PPARG: variants seen among roughly 807,000 people sequenced by gnomAD.
The protein encoded by PPARG is peroxisome proliferator-activated receptor gamma.
In PPARG, 17 loss-of-function variants were observed where a neutral mutation model predicts 39.2. The observed-to-expected ratio is 0.43, with a 90% CI of 0.30 to 0.65. The LOEUF (loss-of-function observed/expected upper bound fraction) is 0.65. PPARG is among the 30% of genes least tolerant of loss of function. The pLI, the probability that PPARG is intolerant of heterozygous loss-of-function variation, is 0.13. For missense variants in PPARG, 406 were observed against 585.9 expected (o/e 0.69, Z 3.17); for synonymous variants, 223 against 215.7 (o/e 1.03, Z -0.30).
At chr3:12,311,750 G>T (rs954326082) in intron 1 of PPARG, among the ~76,000 whole-genome samples, 16 of 152,216 alleles carry the variant, frequency 1.1e-4, no homozygotes, top group African/African-American at 3.4e-4. Flanking sequence ...AAGAGATAAG[G>T]TTGTGAATCC....
intron 5 of PPARG, among the ~76,000 whole-genome samples, chr3:12,403,080 C>T (rs927467520): frequency 6.6e-6 from 1 of 151,920 alleles, no homozygotes; most frequent in Non-Finnish European, 1.5e-5. Flanking sequence ...ATCCCTTGAG[C>T]CCAGGAGTTC....
intron 4 of PPARG, among the ~76,000 whole-genome samples, chr3:12,388,301 A>G (rs995756283): frequency 5.9e-5 from 9 of 152,178 alleles, no homozygotes; most frequent in African/African-American, 2.2e-4. Flanking sequence ...AACTCTCCAA[A>G]ACAACATCAA....
chr3:12,307,430 G>A (rs2124976507), intron 1 of PPARG, among the ~76,000 whole-genome samples: 1 of 152,280 alleles, frequency 6.6e-6, no homozygotes, highest in Non-Finnish European at 1.5e-5. Flanking sequence ...TAATTTGACA[G>A]TACAATAATC....
chr3:12,320,799 G>T (rs1304307510), intron 2 of PPARG, among the ~76,000 whole-genome samples: 1 of 152,224 alleles, frequency 6.6e-6, no homozygotes, highest in African/African-American at 2.4e-5. Context: ...AGGATCACTT[G>T]AGCAGGGAGG....
At chr3:12,337,078 C>T (rs1432197349) in intron 2 of PPARG, among the ~76,000 whole-genome samples, 1 of 152,116 alleles carries the variant, frequency 6.6e-6, no homozygotes, top group Non-Finnish European at 1.5e-5. Flanking sequence ...AACAAATATA[C>T]GTGAAACAGA....
At chr3:12,365,100 C>T (rs972912610) in intron 2 of PPARG, among the ~76,000 whole-genome samples, 6 of 152,110 alleles carry the variant, frequency 3.9e-5, no homozygotes, top group African/African-American at 1.4e-4. Context: ...AACCTAGATC[C>T]CTTGCGTGCA....
intron 2 of PPARG, chr3:12,372,101 A>G (rs2125148019): frequency 1.4e-6 from 1 of 721,532 alleles, no homozygotes; most frequent in East Asian, 2.6e-5. Context: ...GACCTATGAA[A>G]GGCTTTTCAG....
At chr3:12,351,874 T>C (rs112542209) in intron 2 of PPARG, among the ~76,000 whole-genome samples, 5 of 152,348 alleles carry the variant, frequency 3.3e-5, no homozygotes, top group African/African-American at 1.2e-4. Context: ...CCTAACCTAA[T>C]CTATTTTATC....
intron 1 of PPARG, among the ~76,000 whole-genome samples, chr3:12,310,970 G>A (rs1013660686): frequency 7.2e-5 from 11 of 151,996 alleles, no homozygotes; most frequent in African/African-American, 1.9e-4. Context: ...CTGTGATACT[G>A]GTCAGCAGTC....
chr3:12,296,324 T>C (rs977875565), intron 1 of PPARG, among the ~76,000 whole-genome samples: 3 of 150,506 alleles, frequency 2.0e-5, no homozygotes, highest in Non-Finnish European at 4.4e-5. Context: ...AATGTGGTCC[T>C]GGGATCGTGA....
intron 6 of PPARG, among the ~76,000 whole-genome samples, chr3:12,408,317 T>C (rs1323014564): frequency 6.6e-6 from 1 of 152,216 alleles, no homozygotes; most frequent in Non-Finnish European, 1.5e-5. Flanking sequence ...ATTACAAAAG[T>C]CCTTGACTAG....
At chr3:12,402,894 T>A (rs2050526244) in intron 5 of PPARG, among the ~76,000 whole-genome samples, 1 of 152,200 alleles carries the variant, frequency 6.6e-6, no homozygotes, top group Non-Finnish European at 1.5e-5. Flanking sequence ...AAGTCTCTGA[T>A]ATAAAATGGC....
At chr3:12,433,759 C>A in intron 7 of PPARG, 139 bp from the exon 8 acceptor site, 1 of 1,196,836 alleles carries the variant, frequency 8.4e-7, no homozygotes, top group Non-Finnish European at 1.2e-6. Context: ...CCCTTCCTCC[C>A]CACCTATTTA....
At chr3:12,362,090 A>T (rs974303779) in intron 2 of PPARG, among the ~76,000 whole-genome samples, 6 of 152,158 alleles carry the variant, frequency 3.9e-5, no homozygotes, top group African/African-American at 1.4e-4. Flanking sequence ...CTGTTGCAAA[A>T]ATAATTTTTA....
chr3:12,294,242 C>G (rs925477927), intron 1 of PPARG, among the ~76,000 whole-genome samples: 2 of 152,042 alleles, frequency 1.3e-5, no homozygotes, highest in Non-Finnish European at 2.9e-5. Context: ...ATATATTTAC[C>G]CATCATTTTT....
chr3:12,355,829 A>G (rs888252900), intron 2 of PPARG, among the ~76,000 whole-genome samples: 1 of 152,234 alleles, frequency 6.6e-6, no homozygotes, highest in Non-Finnish European at 1.5e-5. Context: ...TAATCTGCCA[A>G]TTGCAGTATA....
chr3:12,378,061 C>T (rs1014902090), intron 2 of PPARG, among the ~76,000 whole-genome samples: 16 of 152,130 alleles, frequency 1.1e-4, no homozygotes, highest in Non-Finnish European at 1.6e-4. Context: ...ATCAAAACCA[C>T]GGTGAGATAT....
At chr3:12,320,896 G>T (rs528210902) in intron 2 of PPARG, among the ~76,000 whole-genome samples, 2 of 152,062 alleles carry the variant, frequency 1.3e-5, no homozygotes, top group Admixed American at 6.6e-5. Context: ...GAAAAGAGAA[G>T]AGAAGACTAA....
At chr3:12,336,593 C>G (rs1171505158) in intron 2 of PPARG, among the ~76,000 whole-genome samples, 1 of 152,130 alleles carries the variant, frequency 6.6e-6, no homozygotes, top group Admixed American at 6.6e-5. Flanking sequence ...TTTATCTACT[C>G]TAGAAGGTTT....
Sources: allele counts gnomAD v4.1 joint callset (sites outside exome capture counted in the v4.1 genomes callset), GRCh38; gene constraint gnomAD v4.1.1; transcripts MANE v1.5; gene names NCBI Gene and HGNC (gene_info 2026-07-23, HGNC 2026-07-21).